Variants in LRIF1 observed in about 807,000 individuals in gnomAD.
LRIF1 encodes ligand dependent nuclear receptor interacting factor 1.
Under a neutral mutation model 52.7 loss-of-function variants are expected in LRIF1, and 32 were observed. The ratio of observed to expected loss-of-function variants is 0.61; its 90% CI spans 0.46 to 0.82. LRIF1 has a LOEUF of 0.82. Ranked by LOEUF, LRIF1 falls within the 40% of genes least tolerant of loss-of-function variation. The pLI is 0.00. For missense variants in LRIF1, 887 were observed against 892.0 expected (o/e 0.99, Z 0.07); for synonymous variants, 323 against 317.4 (o/e 1.02, Z -0.19).
chr1:110,959,650 T>C (rs1413262347), intron 1 of LRIF1, among the ~76,000 whole-genome samples: 1 of 144,534 alleles, frequency 6.9e-6, no homozygotes, highest in African/African-American at 2.6e-5. Context: ...CTTGGGAGGC[T>C]GAGGCAGGAG....
the LRIF1 span, among the ~76,000 whole-genome samples, chr1:110,893,324 T>G: frequency 6.6e-6 from 1 of 152,210 alleles, no homozygotes; most frequent in Non-Finnish European, 1.5e-5. Context: ...GTTTTTTTCT[T>G]CTTGTTGTTG....
At chr1:110,941,770 C>G in the LRIF1 span, 1 of 151,910 alleles carries the variant, frequency 6.6e-6, no homozygotes, top group African/African-American at 2.4e-5. Flanking sequence ...ATTATGATTC[C>G]AAGAGTCAGA....
chr1:110,935,116 C>G, the LRIF1 span, among the ~76,000 whole-genome samples: 2 of 152,218 alleles, frequency 1.3e-5, no homozygotes, highest in Non-Finnish European at 2.9e-5. Flanking sequence ...GCAAGAACCA[C>G]AGAATTACTG....
chr1:110,876,859 A>G, the LRIF1 span, among the ~76,000 whole-genome samples: 4 of 152,212 alleles, frequency 2.6e-5, no homozygotes, highest in Non-Finnish European at 5.9e-5. Flanking sequence ...GATTTCCAAA[A>G]TATTAACATT....
the LRIF1 span, among the ~76,000 whole-genome samples, chr1:110,902,881 G>C: frequency 4.6e-5 from 7 of 152,158 alleles, no homozygotes; most frequent in African/African-American, 1.2e-4. Context: ...AGTCATGCTG[G>C]AGAGGTGAGT....
At chr1:110,933,372 A>T in the LRIF1 span, among the ~76,000 whole-genome samples, 2 of 152,186 alleles carry the variant, frequency 1.3e-5, no homozygotes, top group Non-Finnish European at 2.9e-5. Context: ...CATAAGAACC[A>T]AAAATCAGGT....
chr1:110,907,226 G>A, the LRIF1 span, among the ~76,000 whole-genome samples: 1 of 152,254 alleles, frequency 6.6e-6, no homozygotes, highest in East Asian at 1.9e-4. Flanking sequence ...CCAAAACCTG[G>A]TGATACGTAA....
At chr1:110,912,014 C>G in the LRIF1 span, among the ~76,000 whole-genome samples, 1 of 152,074 alleles carries the variant, frequency 6.6e-6, no homozygotes, top group Non-Finnish European at 1.5e-5. Context: ...AGCAATCAGG[C>G]AAGAGAAAGA....
the LRIF1 span, among the ~76,000 whole-genome samples, chr1:110,881,309 ATTAGT>A: frequency 1.3e-5 from 2 of 151,072 alleles, no homozygotes; most frequent in East Asian, 3.9e-4. Context: ...GTTGCTATAG[ATTAGT>A]TTTCATTTTC....
the LRIF1 span, among the ~76,000 whole-genome samples, chr1:110,912,693 T>C: frequency 1.3e-5 from 2 of 152,104 alleles, no homozygotes; most frequent in African/African-American, 4.8e-5. Flanking sequence ...CACAAACCAA[T>C]GCAAAAAACA....
At chr1:110,899,178 C>T in the LRIF1 span, 1 of 1,613,262 alleles carries the variant, frequency 6.2e-7, no homozygotes, top group East Asian at 2.2e-5. Flanking sequence ...CAAAACCAGC[C>T]AGACCATAGG....
the LRIF1 span, among the ~76,000 whole-genome samples, chr1:110,922,230 G>A: frequency 6.6e-6 from 1 of 152,172 alleles, no homozygotes; most frequent in African/African-American, 2.4e-5. Flanking sequence ...GAGATGATTA[G>A]GATTTGAGGG....
the LRIF1 span, chr1:110,892,295 AC>A: frequency 7.6e-7 from 1 of 1,313,630 alleles, no homozygotes; most frequent in Non-Finnish European, 1.1e-6. Context: ...ATGAGGAGAT[AC>A]CCAAGAACCA....
chr1:110,891,282 C>T, the LRIF1 span: 1 of 759,268 alleles, frequency 1.3e-6, no homozygotes, highest in Non-Finnish European at 2.3e-6. Flanking sequence ...CAGAGGAGAG[C>T]CACAGCTCAA....
At chr1:110,894,214 C>A in the LRIF1 span, 1 of 833,024 alleles carries the variant, frequency 1.2e-6, no homozygotes. Flanking sequence ...CCTGAGGAGG[C>A]AGAACAGGAA....
chr1:110,950,505 C>T (rs1658423535), intron 2 of LRIF1, among the ~76,000 whole-genome samples: 1 of 152,108 alleles, frequency 6.6e-6, no homozygotes. Context: ...GAATTTACCT[C>T]CTTACATCTC....
At chr1:110,943,684 G>A (rs1454587406), downstream of LRIF1, 1 of 152,046 alleles carries the variant, frequency 6.6e-6, no homozygotes, top group Non-Finnish European at 1.5e-5. Context: ...CCTTCTAGAT[G>A]TCTGGATATC....
At chr1:110,956,126 A>G (rs959062102) in intron 1 of LRIF1, among the ~76,000 whole-genome samples, 1 of 152,230 alleles carries the variant, frequency 6.6e-6, no homozygotes, top group Non-Finnish European at 1.5e-5. Flanking sequence ...GAGCAAAAAT[A>G]TGGAAAGATT....
the LRIF1 span, among the ~76,000 whole-genome samples, chr1:110,885,788 T>C: frequency 1.4e-5 from 2 of 142,238 alleles, no homozygotes; most frequent in Non-Finnish European, 3.1e-5. Context: ...TTCTTGAACC[T>C]GAGAGGCGGA....
Sources: allele counts gnomAD v4.1 joint callset (sites outside exome capture counted in the v4.1 genomes callset), GRCh38; gene constraint gnomAD v4.1.1; transcripts MANE v1.5; gene names NCBI Gene and HGNC (gene_info 2026-07-23, HGNC 2026-07-21).